CTNNA2: variants seen among roughly 807,000 people sequenced by gnomAD.
The protein encoded by CTNNA2 is catenin alpha 2.
In CTNNA2, 42 loss-of-function variants were observed where a neutral mutation model predicts 101.0. The observed-to-expected ratio is 0.42, with a 90% CI of 0.32 to 0.54. CTNNA2 has a LOEUF of 0.54. Among genes scored for constraint, CTNNA2 ranks in the 20% least tolerant of loss-of-function variants. The probability of loss-of-function intolerance (pLI) is 0.14; values close to 1 mark genes in which losing one functional copy is unlikely to be tolerated. For synonymous variants in CTNNA2, 450 were observed against 456.4 expected, an observed-to-expected ratio of 0.99 and a Z score of 0.18; for missense variants, 871 against 1,223.1, an observed-to-expected ratio of 0.71 and a Z score of 4.29.
chr2:79,905,654 GTGCCCCTTCCTGCTAGCA>G (rs945085096), intron 6 of CTNNA2, among the ~76,000 whole-genome samples: 1 of 152,024 alleles, frequency 6.6e-6, no homozygotes, highest in African/African-American at 2.4e-5. Context: ...TGGTGATTTG[GTGCCCCTTCCTGCTAGCA>G]GAGGGCAGCC....
At chr2:80,139,736 A>C (rs1702895830) in intron 7 of CTNNA2, among the ~76,000 whole-genome samples, 1 of 152,234 alleles carries the variant, frequency 6.6e-6, no homozygotes, top group Non-Finnish European at 1.5e-5. Flanking sequence ...CATGTGAAAC[A>C]ACAAGCACAT....
At chr2:79,927,749 C>T (rs1466779862) in intron 7 of CTNNA2, among the ~76,000 whole-genome samples, 1 of 152,054 alleles carries the variant, frequency 6.6e-6, no homozygotes, top group Non-Finnish European at 1.5e-5. Flanking sequence ...TCACCTGTTG[C>T]TTATTGTATT....
chr2:80,306,416 C>CTTTCTTTT (rs1676993133), intron 7 of CTNNA2, among the ~76,000 whole-genome samples: 1 of 136,946 alleles, frequency 7.3e-6, no homozygotes, highest in Admixed American at 7.5e-5. Context: ...TTCTTTCTTT[C>CTTTCTTTT]TTTCTTTCTT....
chr2:79,988,966 C>T (rs1691970838), intron 7 of CTNNA2, among the ~76,000 whole-genome samples: 1 of 152,166 alleles, frequency 6.6e-6, no homozygotes, highest in Non-Finnish European at 1.5e-5. Flanking sequence ...GATTTAATTA[C>T]AGGAATACTT....
At chr2:80,340,597 A>G (rs1322834179) in intron 7 of CTNNA2, among the ~76,000 whole-genome samples, 2 of 152,202 alleles carry the variant, frequency 1.3e-5, no homozygotes, top group Non-Finnish European at 2.9e-5. Flanking sequence ...TTAGCCATAC[A>G]ATGATGATCA....
chr2:80,419,647 A>G (rs1680337948), intron 9 of CTNNA2, 46 bp downstream of exon 9: 17 of 1,583,302 alleles, frequency 1.1e-5, no homozygotes, highest in Non-Finnish European at 1.5e-5. Flanking sequence ...GATGGGTTCA[A>G]TCTCTGCATA....
intron 7 of CTNNA2, among the ~76,000 whole-genome samples, chr2:80,199,914 C>G (rs1482873496): frequency 2.0e-5 from 3 of 152,214 alleles, no homozygotes; most frequent in Admixed American, 6.5e-5. Context: ...CCTGTTCTCT[C>G]TCTCTCAGGG....
At chr2:80,272,013 C>T (rs1673531015) in intron 7 of CTNNA2, among the ~76,000 whole-genome samples, 1 of 152,214 alleles carries the variant, frequency 6.6e-6, no homozygotes, top group South Asian at 2.1e-4. Context: ...ATATGAATCA[C>T]AGTGGACCAT....
At chr2:79,787,368 T>G (rs934504516) in intron 3 of CTNNA2, among the ~76,000 whole-genome samples, 9 of 151,806 alleles carry the variant, frequency 5.9e-5, no homozygotes, top group Non-Finnish European at 1.3e-4. Flanking sequence ...TGAGACTTTT[T>G]GTAATACATA....
chr2:79,744,421 C>T lies in CTNNA2; in HGVS notation c.137C>T (p.Pro46Leu). ...TTLVNTSNKGPSGKKKGRSKK... is the reference protein window; with the variant it reads ...TTLVNTSNKGLSGKKKGRSKK... ...CTTGTCAACACAAGCAACAAAGGCC[C>T]ATCTGGTAAAAAGAAAGGGAGGTCA... Residue 46 changes from proline (P) to leucine (L), a missense_variant, in exon 3 of 19, where the codon CCA (proline) becomes CTA (leucine). Coordinates refer to ENST00000402739, the MANE Select transcript of CTNNA2 (RefSeq NM_001282597.3). 1 of 1,613,750 alleles carries T rather than the reference C, an allele frequency of 6.2e-7. No individual in the cohort carries two copies. Among genetic ancestry groups the T allele is most frequent in the Non-Finnish European group, 8.5e-7 (1 of 1,179,898 alleles).
chr2:79,747,766 G>A (rs1671741863), intron 3 of CTNNA2, among the ~76,000 whole-genome samples: 2 of 152,122 alleles, frequency 1.3e-5, no homozygotes, highest in Admixed American at 1.3e-4. Flanking sequence ...GCTAACAATG[G>A]TTGAACTTCT....
intron 7 of CTNNA2, among the ~76,000 whole-genome samples, chr2:79,950,509 G>A (rs1046764554): frequency 6.6e-6 from 1 of 152,090 alleles, no homozygotes; most frequent in South Asian, 2.1e-4. Flanking sequence ...CTGACTTTAC[G>A]GCAGGCCTTA....
At chr2:79,482,433 T>TG (rs1052972493) in intron 4 of CTNNA2, among the ~76,000 whole-genome samples, 1 of 152,200 alleles carries the variant, frequency 6.6e-6, no homozygotes, top group African/African-American at 2.4e-5. Flanking sequence ...TTTGGAAACG[T>TG]GGGCTAGTTC....
At chr2:80,341,723 A>G (rs1672266747) in intron 7 of CTNNA2, among the ~76,000 whole-genome samples, 2 of 152,200 alleles carry the variant, frequency 1.3e-5, no homozygotes, top group South Asian at 4.1e-4. Flanking sequence ...CAAGTTGCTA[A>G]ATATAGAGTT....
intron 4 of CTNNA2, among the ~76,000 whole-genome samples, chr2:79,490,147 T>C (rs1276092141): frequency 6.6e-6 from 1 of 152,178 alleles, no homozygotes; most frequent in African/African-American, 2.4e-5. Context: ...CAGATTTCAA[T>C]ATTGCTCAAG....
At chr2:79,645,706 G>GA (rs1680771164) in intron 1 of CTNNA2, among the ~76,000 whole-genome samples, 1 of 152,140 alleles carries the variant, frequency 6.6e-6, no homozygotes, top group South Asian at 2.1e-4. Context: ...TTGCAAAGAA[G>GA]AAAAACCATC....
chr2:79,874,290 C>G lies in CTNNA2; in HGVS notation c.800C>G (p.Ala267Gly). ...CAAGCTACCTCGCCCACTGACGAAG[C>G]CAAGGGCCACACGGGCATCGGCGAG... ...AAQATSPTDE[A>G]KGHTGIGELA... Residue 267 changes from alanine to glycine, a missense_variant, in exon 6 of 19, where the codon GCC becomes GGC. Ala to Gly is a moderately conservative substitution (Grantham distance 60). Transcript: ENST00000402739. The G allele has an allele frequency of 6.2e-7, 1 of 1,614,078 alleles. No individual in the cohort carries two copies. The highest frequency in any genetic ancestry group is 8.5e-7 in the Non-Finnish European group (1 of 1,180,020).
At chr2:79,889,209 C>A (rs1388771841) in intron 6 of CTNNA2, among the ~76,000 whole-genome samples, 1 of 152,174 alleles carries the variant, frequency 6.6e-6, no homozygotes, top group East Asian at 1.9e-4. Context: ...CGTGCAACAA[C>A]TGCACGTGAA....
intron 7 of CTNNA2, among the ~76,000 whole-genome samples, chr2:80,278,025 G>T (rs1047870117): frequency 6.6e-6 from 1 of 152,102 alleles, no homozygotes; most frequent in Non-Finnish European, 1.5e-5. Flanking sequence ...GGTTAACAGT[G>T]TGTTTTGTGA....
Sources: gnomAD v4.1 joint callset for allele counts (sites outside exome capture counted in the v4.1 genomes callset) on GRCh38, gnomAD v4.1.1 for gene constraint, MANE v1.5 for transcripts, NCBI Gene and HGNC (gene_info 2026-07-23, HGNC 2026-07-21) for gene names.